Variants in ELMO1 observed in about 807,000 individuals in gnomAD.
ELMO1 encodes the protein engulfment and cell motility protein 1.
ELMO1 carries 26 observed loss-of-function variants against 98.9 expected under a neutral mutation model. That is an observed-to-expected ratio of 0.26 (90% confidence interval 0.19 to 0.36). The LOEUF is 0.36. ELMO1 is among the 10% of genes least tolerant of loss of function. The probability of loss-of-function intolerance (pLI) is 1.00; values close to 1 mark genes in which losing one functional copy is unlikely to be tolerated. For synonymous variants in ELMO1, 346 were observed against 346.0 expected, an observed-to-expected ratio of 1.00 and a Z score of 0.00; for missense variants, 627 against 935.2, an observed-to-expected ratio of 0.67 and a Z score of 4.30.
At chr7:37,164,776 C>T (rs1789523906) in intron 13 of ELMO1, among the ~76,000 whole-genome samples, 1 of 149,178 alleles carries the variant, frequency 6.7e-6, no homozygotes, top group East Asian at 2.0e-4. Context: ...TAGTGTGATG[C>T]CTCCAGCTTT....
At chr7:36,899,022 G>A (rs1013591066) in intron 16 of ELMO1, among the ~76,000 whole-genome samples, 3 of 152,190 alleles carry the variant, frequency 2.0e-5, no homozygotes, top group Non-Finnish European at 4.4e-5. Context: ...CTGAGGTGCA[G>A]GGGAGGGGCC....
At chr7:37,002,718 T>G (rs1554388383) in intron 16 of ELMO1, among the ~76,000 whole-genome samples, 1 of 152,214 alleles carries the variant, frequency 6.6e-6, no homozygotes, top group Non-Finnish European at 1.5e-5. Context: ...ATTGACCCTA[T>G]TAACCAAGAT....
At chr7:36,904,564 C>T (rs1456321474) in intron 16 of ELMO1, among the ~76,000 whole-genome samples, 1 of 152,182 alleles carries the variant, frequency 6.6e-6, no homozygotes, top group Non-Finnish European at 1.5e-5. Context: ...CAGACACAGG[C>T]CATGAATAAC....
intron 10 of ELMO1, among the ~76,000 whole-genome samples, chr7:37,220,589 A>G (rs1161027950): frequency 6.6e-6 from 1 of 152,230 alleles, no homozygotes; most frequent in Non-Finnish European, 1.5e-5. Flanking sequence ...TCGACATTCC[A>G]TTATATTACC....
At chr7:37,446,529 T>C (rs1471249812) in intron 1 of ELMO1, among the ~76,000 whole-genome samples, 4 of 152,180 alleles carry the variant, frequency 2.6e-5, no homozygotes, top group Non-Finnish European at 5.9e-5. Flanking sequence ...GCTCCTCCTG[T>C]AATATCATGG....
intron 13 of ELMO1, among the ~76,000 whole-genome samples, chr7:37,203,212 C>A (rs887312899): frequency 2.0e-5 from 3 of 152,134 alleles, no homozygotes; most frequent in African/African-American, 7.2e-5. Context: ...GAGGACTGAG[C>A]AAAATTGTAT....
chr7:37,187,898 A>G (rs1298244828), intron 13 of ELMO1, among the ~76,000 whole-genome samples: 4 of 152,174 alleles, frequency 2.6e-5, no homozygotes, highest in African/African-American at 9.6e-5. Flanking sequence ...TGAATATCCC[A>G]TTTCTAGAAA....
At chr7:37,348,284 A>T (rs1562634612) in intron 1 of ELMO1, among the ~76,000 whole-genome samples, 9 of 152,196 alleles carry the variant, frequency 5.9e-5, no homozygotes. Context: ...TTCTTATACA[A>T]ACTAAAATTT....
chr7:37,033,231 C>A, intron 15 of ELMO1: 1 of 357,808 alleles, frequency 2.8e-6, no homozygotes, highest in South Asian at 2.1e-5. Flanking sequence ...ATAAACGGAG[C>A]AGGAGGAGCG....
At chr7:37,038,906 C>A (rs927325332) in intron 15 of ELMO1, among the ~76,000 whole-genome samples, 1 of 152,094 alleles carries the variant, frequency 6.6e-6, no homozygotes, top group Non-Finnish European at 1.5e-5. Flanking sequence ...GGGCACTAAT[C>A]CCATTATGAG....
intron 6 of ELMO1, among the ~76,000 whole-genome samples, chr7:37,251,021 A>T (rs975368319): frequency 6.6e-6 from 1 of 152,078 alleles, no homozygotes; most frequent in Non-Finnish European, 1.5e-5. Context: ...ATGACTGACT[A>T]ACAGTGGAAG....
chr7:37,136,816 T>A (rs1787294200), intron 13 of ELMO1, among the ~76,000 whole-genome samples: 1 of 150,844 alleles, frequency 6.6e-6, no homozygotes, highest in Non-Finnish European at 1.5e-5. Context: ...AGCATAAATC[T>A]CACAATACAT....
intron 13 of ELMO1, among the ~76,000 whole-genome samples, chr7:37,188,878 G>A (rs920405034): frequency 5.3e-5 from 8 of 152,032 alleles, no homozygotes; most frequent in African/African-American, 1.9e-4. Flanking sequence ...ATGAGAATAT[G>A]CAGTAAAGAC....
At chr7:37,297,332 T>C (rs978898004) in intron 4 of ELMO1, among the ~76,000 whole-genome samples, 1 of 152,136 alleles carries the variant, frequency 6.6e-6, no homozygotes, top group Non-Finnish European at 1.5e-5. Context: ...TTCACAATAA[T>C]ATAAAAGATC....
intron 16 of ELMO1, among the ~76,000 whole-genome samples, chr7:36,934,839 A>G (rs1441719587): frequency 1.3e-5 from 2 of 152,242 alleles, no homozygotes; most frequent in Admixed American, 1.3e-4. Context: ...GTTACAGCCA[A>G]TGACCCAGGT....
At chr7:36,994,539 C>T (rs1414697727) in intron 16 of ELMO1, among the ~76,000 whole-genome samples, 1 of 152,222 alleles carries the variant, frequency 6.6e-6, no homozygotes, top group Non-Finnish European at 1.5e-5. Context: ...TCATTCTATC[C>T]AGCATCGTAG....
chr7:37,202,221 A>G (rs1792337264), intron 13 of ELMO1, among the ~76,000 whole-genome samples: 1 of 152,264 alleles, frequency 6.6e-6, no homozygotes, highest in South Asian at 2.1e-4. Flanking sequence ...TTGTTTCAGA[A>G]TACTATCCCA....
chr7:37,326,334 C>G (rs1203204992), intron 2 of ELMO1, among the ~76,000 whole-genome samples: 1 of 152,160 alleles, frequency 6.6e-6, no homozygotes, highest in Non-Finnish European at 1.5e-5. Context: ...GCAGGCAGAT[C>G]ACCTGAGGTC....
chr7:37,240,158 CTACCAAG>C (rs1562545079), intron 7 of ELMO1, among the ~76,000 whole-genome samples: 2 of 151,756 alleles, frequency 1.3e-5, no homozygotes. Flanking sequence ...CTAACTCAGC[CTACCAAG>C]TAGCTGGGAC....
Sources: allele counts gnomAD v4.1 joint callset (sites outside exome capture counted in the v4.1 genomes callset), GRCh38; gene constraint gnomAD v4.1.1; transcripts MANE v1.5; gene names NCBI Gene and HGNC (gene_info 2026-07-23, HGNC 2026-07-21).